The following CATSPER4 variants were observed in gnomAD, a reference collection of about 807,000 sequenced individuals.
CATSPER4 encodes the protein cation channel sperm associated 4.
In CATSPER4, 46 loss-of-function variants were observed where a neutral mutation model predicts 54.4. The ratio of observed to expected loss-of-function variants is 0.84; its 90% CI spans 0.67 to 1.08. CATSPER4 has a LOEUF of 1.08. Ranked by LOEUF, CATSPER4 falls within the 50% of genes least tolerant of loss-of-function variation. CATSPER4 has a pLI of 0.00. For synonymous variants in CATSPER4, 230 were observed against 231.9 expected (o/e 0.99, Z 0.08); for missense variants, 574 against 612.8 (o/e 0.94, Z 0.67).
At chr1:26,197,626 C>T in intron 3 of CATSPER4, 60 bp from the exon 4 acceptor site, 1 of 1,197,966 alleles carries the variant, frequency 8.3e-7, no homozygotes, top group South Asian at 1.2e-5. Context: ...GGAGGGCAGA[C>T]CTAGGATGCC....
At chr1:26,192,679 G>A (rs1309733406) in intron 2 of CATSPER4, among the ~76,000 whole-genome samples, 5 of 151,602 alleles carry the variant, frequency 3.3e-5, no homozygotes, top group Non-Finnish European at 5.9e-5. Flanking sequence ...CTCCAGCCTT[G>A]GCCTCCCAAA....
At chr1:26,202,443 T>G in intron 9 of CATSPER4, 46 bp from the exon 10 acceptor site, 1 of 1,561,634 alleles carries the variant, frequency 6.4e-7, no homozygotes, top group Non-Finnish European at 8.8e-7. Flanking sequence ...GAGGCTGCCA[T>G]ATCGGGGGGA....
At position 26,197,965 on chromosome 1, in the gene CATSPER4, G is replaced by A. The variant is rs199726912; in HGVS notation, c.566G>A (p.Arg189His). ...PSINYTLRAL[R>H]LVHVCMAVEP... is the part of the protein sequence containing the mutation. ...GACAGGCTCTGCCACAGGGCGCTTCGTCTGGTGCATGTGTGCATGGCGGTG... is the reference window on the plus strand; with the variant it reads ...GACAGGCTCTGCCACAGGGCGCTTCATCTGGTGCATGTGTGCATGGCGGTG... Residue 189 changes from arginine to histidine, a missense_variant, in exon 5 of 10, where the codon CGT becomes CAT. Physicochemically the swap from Arg to His is conservative, Grantham distance 29. Coordinates refer to ENST00000456354, the MANE Select transcript of CATSPER4 (RefSeq NM_198137.2). The A allele has an allele frequency of 1.5e-4, 236 of 1,613,208 alleles. 1 individual carries two copies. Among genetic ancestry groups the A allele is most frequent in the Middle Eastern group, 5.4e-4 (3 of 5,558 alleles).
intron 3 of CATSPER4, among the ~76,000 whole-genome samples, chr1:26,196,144 C>CTTTTTT (rs376569258): frequency 8.0e-6 from 1 of 125,274 alleles, no homozygotes; most frequent in African/African-American, 3.1e-5. Flanking sequence ...CTTTCTTTTC[C>CTTTTTT]TTTTTTTTTT....
chr1:26,201,213 C>T (rs1040762833), intron 8 of CATSPER4, 141 bp from the exon 9 acceptor site: 3 of 1,029,836 alleles, frequency 2.9e-6, no homozygotes, highest in African/African-American at 1.6e-5. Context: ...TTCCTTCCAT[C>T]TCACACAAGG....
chr1:26,201,217 C>T (rs2089003845), intron 8 of CATSPER4, 137 bp from the exon 9 acceptor site: 1 of 1,043,554 alleles, frequency 9.6e-7, no homozygotes, highest in Non-Finnish European at 1.4e-6. Context: ...TTCCATCTCA[C>T]ACAAGGGCAC....
At position 26,197,989 on chromosome 1, in the gene CATSPER4, T is replaced by C. The variant is rs370315214; in HGVS notation, c.590T>C (p.Val197Ala). The change falls in exon 5 of 10, where the codon GTG becomes GCG. Residue 197 changes from valine to alanine, a missense_variant. Coordinates refer to ENST00000456354, the MANE Select transcript of CATSPER4 (RefSeq NM_198137.2). ...ALRLVHVCMA[V>A]EPLARIIRVI... ...CGTCTGGTGCATGTGTGCATGGCGG[T>C]GGAGCCCCTCGCCCGGATCATCCGC... 1.9e-6 allele frequency: 3 copies of C among 1,613,648 alleles called. No individual in the cohort carries two copies. The African/African-American group carries it at 4.0e-5, about 22-fold the overall frequency.
intron 7 of CATSPER4, among the ~76,000 whole-genome samples, chr1:26,200,471 C>A (rs1470978073): frequency 6.6e-6 from 1 of 152,048 alleles, no homozygotes; most frequent in Non-Finnish European, 1.5e-5. Flanking sequence ...CAGGGCAGTA[C>A]TTCCATAAGG....
At chr1:26,195,655 C>T (rs1569903758) in intron 3 of CATSPER4, among the ~76,000 whole-genome samples, 1 of 152,260 alleles carries the variant, frequency 6.6e-6, no homozygotes, top group East Asian at 1.9e-4. Flanking sequence ...GCGCCCGCCA[C>T]CACGCCTGGC....
intron 6 of CATSPER4, among the ~76,000 whole-genome samples, chr1:26,198,737 C>T (rs1158182744): frequency 1.3e-5 from 2 of 152,180 alleles, no homozygotes; most frequent in East Asian, 1.9e-4. Context: ...ACAGAGCAAC[C>T]TCCCAGCCCA....
rs542805091 is a variant in CATSPER4 at position 26,199,707 on chromosome 1, G to T, written c.813-177G>T. Among the ~76,000 whole-genome samples the T allele has an allele frequency of 3.9e-5, 6 of 152,234 alleles. No homozygotes were observed. In the South Asian group the frequency reaches 1.2e-3, roughly 32 times the overall value. On this transcript the variant is annotated intron_variant, in intron 6 of 9. Coordinates refer to ENST00000456354, the MANE Select transcript of CATSPER4 (RefSeq NM_198137.2). ...AATCAGCTCACTGTCTGGCAGCACA[G>T]TAGGTGCTTAGTAGAGAGCAGCTAT...
chr1:26,194,337 G>A (rs1472952414), intron 3 of CATSPER4, among the ~76,000 whole-genome samples: 2 of 152,218 alleles, frequency 1.3e-5, no homozygotes, highest in Admixed American at 6.5e-5. Context: ...GCATGGCTGT[G>A]TTCGTGGACA....
rs1420010581 is a variant in CATSPER4 at position 26,202,420 on chromosome 1, G to A, written c.1366-69G>A. 3.6e-6 allele frequency: 5 copies of A among 1,371,386 alleles called. No individual in the cohort carries two copies. In the Admixed American group the frequency reaches 7.4e-5, roughly 20 times the overall value. The allele number at this position is 1,371,386 out of a possible 1,614,324, so 85.0% of individuals were successfully genotyped here. The stretch of plus-strand genomic sequence containing the variant: ...GCTGGGGAAGCTGGTGAGACTGGAG[G>A]AGGTGAGTAACGGAGGCTGCCATAT... On this transcript the variant is annotated intron_variant, in intron 9 of 9. Coordinates refer to ENST00000456354, the MANE Select transcript of CATSPER4 (RefSeq NM_198137.2).
intron 3 of CATSPER4, among the ~76,000 whole-genome samples, chr1:26,195,803 A>G (rs1354308552): frequency 6.6e-6 from 1 of 152,232 alleles, no homozygotes; most frequent in South Asian, 2.1e-4. Flanking sequence ...CGCCCGGCCT[A>G]TGCCAGGCTC....
chr1:26,200,179 G>A (rs2124529471), intron 7 of CATSPER4, 121 bp downstream of exon 7: 3 of 1,176,608 alleles, frequency 2.5e-6, no homozygotes, highest in Middle Eastern at 2.7e-4. Context: ...CAAGTTGGAG[G>A]CCTGGAGGCA....
intron 3 of CATSPER4, among the ~76,000 whole-genome samples, chr1:26,196,941 T>C (rs2088947422): frequency 6.9e-6 from 1 of 144,384 alleles, no homozygotes; most frequent in Non-Finnish European, 1.5e-5. Flanking sequence ...AGATTATCAC[T>C]CTGTCACCCA....
At position 26,197,941 on chromosome 1, in the gene CATSPER4, A is replaced by C. The variant is rs773121552; in HGVS notation, c.558-16A>C. On this transcript the variant is annotated splice_polypyrimidine_tract_variant and intron_variant, in intron 4 of 9. Coordinates refer to ENST00000456354, the MANE Select transcript of CATSPER4 (RefSeq NM_198137.2). ...TGGGAAGGGCCTAGGGGCACCCCTGACAGGCTCTGCCACAGGGCGCTTCGT... is the reference window on the plus strand; with the variant it reads ...TGGGAAGGGCCTAGGGGCACCCCTGCCAGGCTCTGCCACAGGGCGCTTCGT... 10 of 1,612,478 alleles carry C rather than the reference A, an allele frequency of 6.2e-6. No homozygotes were observed. In the East Asian group the frequency reaches 2.2e-4, roughly 36 times the overall value.
In CATSPER4 at chr1:26,200,042, G is replaced by A. The variant is rs756980204; in HGVS notation, c.971G>A (p.Arg324Gln). 10 of 1,613,452 alleles carry A rather than the reference G, an allele frequency of 6.2e-6. No individual in the cohort carries two copies. Among genetic ancestry groups the A allele is most frequent in the Middle Eastern group, 1.6e-4 (1 of 6,084 alleles). ...GCAGGAGAGCAGGGACAACAGCAAC[G>A]AATAACCTTTAGTGAGGTGCGTGGG... ...MKAGEQGQQQ[R>Q]ITFSETGAEE... Residue 324 changes from arginine (R) to glutamine (Q), a missense_variant, in exon 7 of 10, where the codon CGA becomes CAA. Coordinates refer to ENST00000456354, the MANE Select transcript of CATSPER4 (RefSeq NM_198137.2).
At chr1:26,197,561 C>A in intron 3 of CATSPER4, 125 bp from the exon 4 acceptor site, 1 of 713,698 alleles carries the variant, frequency 1.4e-6, no homozygotes, top group South Asian at 1.5e-5. Flanking sequence ...CAGTGGATGG[C>A]AGCTGACTGG....
Sources: gnomAD v4.1 joint callset for allele counts (sites outside exome capture counted in the v4.1 genomes callset) on GRCh38, gnomAD v4.1.1 for gene constraint, MANE v1.5 for transcripts, NCBI Gene and HGNC (gene_info 2026-07-23, HGNC 2026-07-21) for gene names.